PCDHGB6: variants seen among roughly 807,000 people sequenced by gnomAD.
The protein encoded by PCDHGB6 is protocadherin gamma-B6.
PCDHGB6 carries 51 observed loss-of-function variants against 59.1 expected under a neutral mutation model. The ratio of observed to expected loss-of-function variants is 0.86; its 90% CI spans 0.69 to 1.09. PCDHGB6 has a LOEUF of 1.09. Among genes scored for constraint, PCDHGB6 ranks in the 50% least tolerant of loss-of-function variants. PCDHGB6 has a pLI of 0.00. For synonymous variants in PCDHGB6, 466 were observed against 495.1 expected, an observed-to-expected ratio of 0.94 and a Z score of 0.78; for missense variants, 1,148 against 1,205.1, an observed-to-expected ratio of 0.95 and a Z score of 0.70.
At chr5:141,421,748 G>A (rs763166274) in intron 1 of PCDHGB6, 4 of 1,613,944 alleles carry the variant, frequency 2.5e-6, no homozygotes, top group South Asian at 2.2e-5. Context: ...TACCAGCTCA[G>A]CCCTAATAAT....
At chr5:141,437,312 G>T (rs2097875410) in intron 1 of PCDHGB6, among the ~76,000 whole-genome samples, 1 of 152,176 alleles carries the variant, frequency 6.6e-6, no homozygotes, top group South Asian at 2.1e-4. Context: ...AAAGCGTTCA[G>T]CTATAATTTA....
At chr5:141,482,852 A>G (rs1237049208) in intron 1 of PCDHGB6, among the ~76,000 whole-genome samples, 1 of 144,420 alleles carries the variant, frequency 6.9e-6, no homozygotes, top group Non-Finnish European at 1.5e-5. Flanking sequence ...TGGGCAGATC[A>G]CTTGAGGTCA....
At chr5:141,430,737 A>G in intron 1 of PCDHGB6, 1 of 1,498,286 alleles carries the variant, frequency 6.7e-7, no homozygotes, top group South Asian at 1.4e-5. Flanking sequence ...CAGAATTGAA[A>G]ATAATTCTGG....
rs751805838 is a variant in PCDHGB6, at chr5:141,409,319, G to T, written c.1117G>T (p.Asp373Tyr). 3 of 1,613,988 alleles carry T rather than the reference G, an allele frequency of 1.9e-6. No homozygotes were observed. The Admixed American group carries it at 5.0e-5, about 27-fold the overall frequency. ...GMVVALFKTR[D>Y]LDFGGNGEVR... is the part of the protein sequence containing the mutation. ...GGTTGTTGCCCTCTTCAAAACACGG[G>T]ATCTGGATTTCGGAGGAAATGGAGA... is the stretch of plus-strand genomic sequence containing the variant. The change falls in exon 1 of 4, where the codon GAT (aspartate) becomes TAT (tyrosine). Residue 373 changes from aspartate to tyrosine, a missense_variant. Around this residue, in one of 5 missense-constraint regions of PCDHGB6, gnomAD observed 549 missense variants for 527.5 expected, o/e 1.04. Coordinates refer to ENST00000520790, the MANE Select transcript of PCDHGB6 (RefSeq NM_018926.3).
intron 1 of PCDHGB6, among the ~76,000 whole-genome samples, chr5:141,425,111 A>G (rs2096857405): frequency 6.6e-6 from 1 of 152,144 alleles, no homozygotes; most frequent in Admixed American, 6.5e-5. Context: ...AGATGCCTAC[A>G]TTTTTCTTGA....
At chr5:141,421,638 C>G (rs775131295) in intron 1 of PCDHGB6, 2 of 1,613,770 alleles carry the variant, frequency 1.2e-6, no homozygotes, top group South Asian at 1.1e-5. Context: ...TCCAGGAGGA[C>G]GAAGTGGAGA....
chr5:141,446,415 T>C (rs1275165245), intron 1 of PCDHGB6, among the ~76,000 whole-genome samples: 2 of 152,046 alleles, frequency 1.3e-5, no homozygotes, highest in African/African-American at 4.8e-5. Flanking sequence ...GTTCCAGCCA[T>C]GTTCATTTGA....
chr5:141,430,639 A>T, intron 1 of PCDHGB6: 1 of 900,712 alleles, frequency 1.1e-6, no homozygotes. Flanking sequence ...CATCCCTGGG[A>T]GTATGTGGAA....
At chr5:141,478,247 G>C (rs1377698933) in intron 1 of PCDHGB6, 1 of 1,613,956 alleles carries the variant, frequency 6.2e-7, no homozygotes, top group Non-Finnish European at 8.5e-7. Context: ...CACAGTGTTC[G>C]GAGTAATCAT....
intron 3 of PCDHGB6, among the ~76,000 whole-genome samples, chr5:141,509,362 G>C (rs2099876497): frequency 6.6e-6 from 1 of 152,152 alleles, no homozygotes; most frequent in Non-Finnish European, 1.5e-5. Flanking sequence ...GCATCCCTGA[G>C]GTTTTAACTG....
Position 141,486,390 on chromosome 5 carries a change from C to T in PCDHGB6, c.2419-8417C>T. 6.2e-7 allele frequency: 1 copy of T among 1,614,138 alleles called. No homozygotes were observed. The highest frequency in any genetic ancestry group is 1.1e-5 in the South Asian group (1 of 91,084). On this transcript the variant is annotated intron_variant, in intron 1 of 3. Coordinates refer to ENST00000520790, the MANE Select transcript of PCDHGB6 (RefSeq NM_018926.3). This position sits in a 1 kb window ranked among gnomAD's most constrained non-coding sequence, Gnocchi z 5.0. ...AAGTCTGCCTTCAGGAACCAGTTCTCCCTGGTGACTGCTGGACCCTTGGAT... is the reference window on the plus strand; with the variant it reads ...AAGTCTGCCTTCAGGAACCAGTTCTTCCTGGTGACTGCTGGACCCTTGGAT...
intron 3 of PCDHGB6, among the ~76,000 whole-genome samples, chr5:141,509,539 A>G (rs749824780): frequency 1.3e-5 from 2 of 152,160 alleles, no homozygotes; most frequent in East Asian, 1.9e-4. Context: ...ATGAAGCACC[A>G]TCTCATTTAG....
intron 1 of PCDHGB6, among the ~76,000 whole-genome samples, chr5:141,430,066 G>A (rs550834063): frequency 4.1e-4 from 62 of 152,102 alleles, no homozygotes; most frequent in Non-Finnish European, 8.4e-4. Flanking sequence ...TCATTTTTAG[G>A]TTTCCATAAT....
At chr5:141,467,167 C>T (rs2099138606) in intron 1 of PCDHGB6, among the ~76,000 whole-genome samples, 1 of 151,832 alleles carries the variant, frequency 6.6e-6, no homozygotes, top group Non-Finnish European at 1.5e-5. Context: ...ATTCTCATCT[C>T]TCAGCCTCCC....
rs761347005 is a variant in PCDHGB6, at chr5:141,417,873, G to A, written c.2418+7253G>A. On this transcript the variant is annotated intron_variant, in intron 1 of 3. Coordinates refer to ENST00000520790, the MANE Select transcript of PCDHGB6 (RefSeq NM_018926.3). The stretch of plus-strand genomic sequence containing the variant: ...CCCGAGCGAACGATGGGAGGGAGCT[G>A]CGCGCAGAGGCGCCGGGCCGGCCCG... 4.2e-5 allele frequency: 65 copies of A among 1,555,230 alleles called. 2 individuals are homozygous for A. The Middle Eastern group carries it at 6.4e-3, about 152-fold the overall frequency.
chr5:141,501,530 G>T (rs556760554), intron 2 of PCDHGB6, among the ~76,000 whole-genome samples: 1 of 151,998 alleles, frequency 6.6e-6, no homozygotes, highest in East Asian at 1.9e-4. Flanking sequence ...AGCCCAGTAC[G>T]TTGTTGTGCA....
At chr5:141,459,108 A>G (rs1240280274) in intron 1 of PCDHGB6, among the ~76,000 whole-genome samples, 1 of 152,216 alleles carries the variant, frequency 6.6e-6, no homozygotes, top group Non-Finnish European at 1.5e-5. Flanking sequence ...ATGCATTTTG[A>G]CAATTGTTTA....
In PCDHGB6 at chr5:141,491,406, C is replaced by G. The variant is rs773729429; in HGVS notation, c.2419-3401C>G. On this transcript the variant is annotated intron_variant, in intron 1 of 3. Transcript: ENST00000520790. This position sits in a 1 kb window ranked among gnomAD's most constrained non-coding sequence, Gnocchi z 6.9. ...CGAAGTGCCTTCAGGGAAACGCAGA[C>G]GGGGACGGGGGTGGAGGGCAGTGCT... 9 of 1,613,978 alleles carry G rather than the reference C, an allele frequency of 5.6e-6. No homozygotes were observed.
rs1461250700 is a variant in PCDHGB6, at chr5:141,410,277, T to A, written c.2075T>A (p.Leu692Gln). The A allele has an allele frequency of 1.9e-6, 3 of 1,613,896 alleles. No individual in the cohort carries two copies. The highest frequency in any genetic ancestry group is 2.5e-6 in the Non-Finnish European group (3 of 1,179,898). ...SDPQAELQFYLVVALALISVL... is the reference protein window; with the variant it reads ...SDPQAELQFYQVVALALISVL... ...CCCCAGGCTGAACTGCAGTTTTACC[T>A]GGTGGTGGCCTTGGCCTTAATCTCA... Residue 692 changes from leucine to glutamine, a missense_variant, in exon 1 of 4, where the codon CTG becomes CAG. Physicochemically the swap from Leu to Gln is moderately radical, Grantham distance 113. Coordinates refer to ENST00000520790, the MANE Select transcript of PCDHGB6 (RefSeq NM_018926.3).
Sources: allele counts gnomAD v4.1 joint callset (sites outside exome capture counted in the v4.1 genomes callset), GRCh38; gene constraint gnomAD v4.1.1; regional missense constraint gnomAD v4.1.1; non-coding constraint Gnocchi (gnomAD v3.1); transcripts MANE v1.5; gene names NCBI Gene and HGNC (gene_info 2026-07-23, HGNC 2026-07-21).